Variants in ZSCAN5A observed in about 807,000 individuals in gnomAD.
ZSCAN5A encodes zinc finger and SCAN domain-containing protein 5A.
A neutral mutation model predicts 23.7 loss-of-function variants in ZSCAN5A; 12 were observed. The ratio of observed to expected loss-of-function variants is 0.51; its 90% CI spans 0.32 to 0.82. The LOEUF is 0.82. ZSCAN5A is among the 40% of genes least tolerant of loss of function. The pLI, the probability that ZSCAN5A is intolerant of heterozygous loss-of-function variation, is 0.03. For missense variants in ZSCAN5A, 597 were observed against 617.9 expected (o/e 0.97, Z 0.36); for synonymous variants, 257 against 239.9 (o/e 1.07, Z -0.66).
chr19:56,288,808 A>G (rs1446655100), intron 2 of ZSCAN5A, among the ~76,000 whole-genome samples: 2 of 152,078 alleles, frequency 1.3e-5, no homozygotes, highest in Non-Finnish European at 2.9e-5. Flanking sequence ...CCGTGTCTTA[A>G]TGTTGATTTC....
At chr19:56,285,030 T>C (rs1478361461) in intron 2 of ZSCAN5A, 1 of 985,234 alleles carries the variant, frequency 1.0e-6, no homozygotes, top group African/African-American at 1.7e-5. Context: ...GGATGGTAAG[T>C]GTCAGGATTG....
intron 2 of ZSCAN5A, among the ~76,000 whole-genome samples, chr19:56,350,948 T>C (rs2041663846): frequency 1.3e-5 from 2 of 152,186 alleles, no homozygotes; most frequent in South Asian, 4.2e-4. Context: ...ATGCCATTCT[T>C]CTGAGAACCT....
At chr19:56,251,834 A>T (rs1372337323) in intron 2 of ZSCAN5A, among the ~76,000 whole-genome samples, 1 of 152,232 alleles carries the variant, frequency 6.6e-6, no homozygotes, top group African/African-American at 2.4e-5. Context: ...AAGCGCTGGA[A>T]TTACAGATGT....
At chr19:56,302,836 T>C (rs1422040050) in intron 2 of ZSCAN5A, 3 of 398,634 alleles carry the variant, frequency 7.5e-6, no homozygotes, top group Non-Finnish European at 1.3e-5. Flanking sequence ...TCTTGTTCTT[T>C]CTAAGGGACG....
intron 2 of ZSCAN5A, among the ~76,000 whole-genome samples, chr19:56,323,869 T>TTA (rs574644620): frequency 1.3e-4 from 19 of 151,358 alleles, no homozygotes; most frequent in Non-Finnish European, 2.5e-4. Flanking sequence ...TACATAATAG[T>TTA]TATATATATT....
At chr19:56,232,094 C>T (rs1385359297) in intron 2 of ZSCAN5A, among the ~76,000 whole-genome samples, 1 of 150,500 alleles carries the variant, frequency 6.6e-6, no homozygotes, top group Non-Finnish European at 1.5e-5. Flanking sequence ...CTTAAGTGAA[C>T]CTCCTACCTC....
At chr19:56,309,512 T>C (rs2040898208) in intron 2 of ZSCAN5A, among the ~76,000 whole-genome samples, 1 of 152,248 alleles carries the variant, frequency 6.6e-6, no homozygotes, top group Non-Finnish European at 1.5e-5. Context: ...TTAAAAGGGA[T>C]GCAGGCTGCA....
intron 2 of ZSCAN5A, among the ~76,000 whole-genome samples, chr19:56,251,398 G>T (rs1445257292): frequency 6.6e-6 from 1 of 152,140 alleles, no homozygotes; most frequent in African/African-American, 2.4e-5. Context: ...GGGGAAAAAT[G>T]ATTGGGAGTT....
chr19:56,354,803 A>T (rs1455281421), intron 2 of ZSCAN5A, among the ~76,000 whole-genome samples: 1 of 152,200 alleles, frequency 6.6e-6, no homozygotes, highest in Non-Finnish European at 1.5e-5. Context: ...GTCAGCGTGG[A>T]CCACTTTCTG....
chr19:56,238,277 CAAAT>C (rs1402352197), intron 2 of ZSCAN5A, among the ~76,000 whole-genome samples: 2 of 151,922 alleles, frequency 1.3e-5, no homozygotes, highest in East Asian at 1.9e-4. Context: ...AGGAATTAAG[CAAAT>C]AAATAATGAA....
chr19:56,240,203 C>A (rs2035321182), intron 2 of ZSCAN5A, among the ~76,000 whole-genome samples: 1 of 150,296 alleles, frequency 6.7e-6, no homozygotes, highest in African/African-American at 2.4e-5. Context: ...TAAAACCAAA[C>A]AAAAAAAAAC....
chr19:56,296,778 A>C (rs2039904363), intron 2 of ZSCAN5A, among the ~76,000 whole-genome samples: 1 of 152,204 alleles, frequency 6.6e-6, no homozygotes, highest in Non-Finnish European at 1.5e-5. Context: ...TCATGCCTGT[A>C]ATCCCAGCAC....
chr19:56,276,506 C>CTTT lies in ZSCAN5A; in HGVS notation c.-128+36774_-128+36776dup, dbSNP rs3059506. On this transcript the variant is annotated intron_variant, in intron 2 of 5. Coordinates refer to ENST00000683990, the MANE Select transcript of ZSCAN5A (RefSeq NM_001322064.3). ...AAAATTATTAAGGATCTAAAGAGCT[C>CTTT]TTTTTTTTTTTTTCCAGTGAGGGTT... Among the ~76,000 whole-genome samples, 140 of 139,734 alleles carry CTTT rather than the reference C, an allele frequency of 1.0e-3. 2 individuals carry two copies. The highest frequency in any genetic ancestry group is 3.3e-3 in the African/African-American group (126 of 38,324). The allele number at this position is 139,734 out of a possible 152,430, so 91.7% of individuals were successfully genotyped here. A position where few individuals can be genotyped will look rare whatever the true frequency, so the allele number is the denominator to read the frequency against.
chr19:56,345,161 A>T (rs1181542826), intron 2 of ZSCAN5A, among the ~76,000 whole-genome samples: 1 of 152,118 alleles, frequency 6.6e-6, no homozygotes, highest in African/African-American at 2.4e-5. Flanking sequence ...CATTTCTAAT[A>T]TTACTTTAAT....
chr19:56,267,253 T>G (rs1442912876), intron 2 of ZSCAN5A, among the ~76,000 whole-genome samples: 5 of 152,154 alleles, frequency 3.3e-5, no homozygotes, highest in African/African-American at 1.2e-4. Context: ...TTGTTTGTCT[T>G]CCTACACCAG....
chr19:56,361,393 A>G (rs1488765035), intron 2 of ZSCAN5A, among the ~76,000 whole-genome samples: 2 of 152,194 alleles, frequency 1.3e-5, no homozygotes, highest in African/African-American at 4.8e-5. Flanking sequence ...CTATTTTAAA[A>G]ATACATGCAT....
At chr19:56,320,615 A>AAAC in intron 2 of ZSCAN5A, 1 of 631,518 alleles carries the variant, frequency 1.6e-6, no homozygotes, top group Non-Finnish European at 2.9e-6. Context: ...TCTGTCTCAA[A>AAAC]AATAATAATA....
At chr19:56,353,263 G>A (rs2041678892) in intron 2 of ZSCAN5A, among the ~76,000 whole-genome samples, 1 of 152,194 alleles carries the variant, frequency 6.6e-6, no homozygotes, top group African/African-American at 2.4e-5. Flanking sequence ...ATACTACAGT[G>A]TAACTAGAGA....
intron 2 of ZSCAN5A, among the ~76,000 whole-genome samples, chr19:56,331,099 T>C (rs1228932767): frequency 1.3e-5 from 2 of 152,226 alleles, no homozygotes; most frequent in East Asian, 1.9e-4. Flanking sequence ...TGCCATTGTC[T>C]AAGGTCAGAT....
Sources: gnomAD v4.1 joint callset for allele counts (sites outside exome capture counted in the v4.1 genomes callset) on GRCh38, gnomAD v4.1.1 for gene constraint, MANE v1.5 for transcripts, NCBI Gene and HGNC (gene_info 2026-07-23, HGNC 2026-07-21) for gene names.